The following NCKAP5 variants were observed in gnomAD, a reference collection of about 807,000 sequenced individuals.
NCKAP5 encodes the protein NCK associated protein 5.
In NCKAP5, 92 loss-of-function variants were observed where a neutral mutation model predicts 167.0. The observed-to-expected ratio is 0.55, with a 90% CI of 0.47 to 0.66. NCKAP5 has a LOEUF of 0.66. Among genes scored for constraint, NCKAP5 ranks in the 30% least tolerant of loss-of-function variants. The pLI, the probability that NCKAP5 is intolerant of heterozygous loss-of-function variation, is 0.00. For synonymous variants in NCKAP5, 891 were observed against 877.4 expected (o/e 1.02, Z -0.27); for missense variants, 2,378 against 2,315.0 (o/e 1.03, Z -0.56).
At chr2:133,369,517 T>G (rs1265024971) in intron 3 of NCKAP5, among the ~76,000 whole-genome samples, 1 of 152,234 alleles carries the variant, frequency 6.6e-6, no homozygotes, top group African/African-American at 2.4e-5. Flanking sequence ...CATGTAGGTT[T>G]GAGCACTAAG....
intron 7 of NCKAP5, among the ~76,000 whole-genome samples, chr2:132,978,403 A>T (rs185515488): frequency 5.6e-4 from 86 of 152,310 alleles, no homozygotes; most frequent in African/African-American, 2.0e-3. Flanking sequence ...ACTGAGCTGG[A>T]TGCTGGTTCC....
intron 11 of NCKAP5, among the ~76,000 whole-genome samples, chr2:132,857,164 C>A (rs1689535403): frequency 6.9e-6 from 1 of 144,358 alleles, no homozygotes; most frequent in African/African-American, 2.6e-5. Context: ...TTGGAATCTT[C>A]CATTATCTTT....
At chr2:133,158,646 T>C (rs752563249) in intron 5 of NCKAP5, among the ~76,000 whole-genome samples, 49 of 152,174 alleles carry the variant, frequency 3.2e-4, no homozygotes, top group Non-Finnish European at 5.3e-4. Context: ...ATTACCTCAT[T>C]TATATGTTAT....
At chr2:133,334,168 G>A (rs1356255361) in intron 3 of NCKAP5, among the ~76,000 whole-genome samples, 1 of 152,164 alleles carries the variant, frequency 6.6e-6, no homozygotes, top group Non-Finnish European at 1.5e-5. Context: ...CTTAATGGTC[G>A]TTTGACCTAG....
chr2:133,092,474 T>C (rs2149642638), intron 6 of NCKAP5, among the ~76,000 whole-genome samples: 1 of 152,248 alleles, frequency 6.6e-6, no homozygotes, highest in African/African-American at 2.4e-5. Flanking sequence ...TCCAAAACCA[T>C]GCATAAATAT....
chr2:132,675,140 A>T (rs1297914530), intron 19 of NCKAP5, among the ~76,000 whole-genome samples: 1 of 152,176 alleles, frequency 6.6e-6, no homozygotes, highest in East Asian at 1.9e-4. Context: ...CATTCAACAC[A>T]CACTCATTAG....
Position 132,785,218 on chromosome 2 carries a change from C to T in NCKAP5, c.1593G>A (p.Lys531=). ...FLEGTSSVYP[K]ERPEKLTSCA... ...AACTTGTCAGCTTTTCAGGCCTTTC[C>T]TTGGGATAAACTGAGGATGTGCCTT... is the stretch of plus-strand genomic sequence containing the variant. The change falls in exon 14 of 20, where the codon AAG becomes AAA. Residue 531 remains lysine (K), a synonymous_variant. Transcript: ENST00000409261. The T allele has an allele frequency of 6.4e-7, 1 of 1,572,232 alleles. No homozygotes were observed.
chr2:133,335,435 A>T (rs1035689479), intron 3 of NCKAP5, among the ~76,000 whole-genome samples: 4 of 152,184 alleles, frequency 2.6e-5, no homozygotes, highest in Non-Finnish European at 5.9e-5. Flanking sequence ...GATAATTGCA[A>T]GCGAAAATTT....
intron 3 of NCKAP5, among the ~76,000 whole-genome samples, chr2:133,459,788 CG>C (rs747878527): frequency 1.8e-4 from 28 of 152,114 alleles, no homozygotes; most frequent in Admixed American, 2.6e-4. Flanking sequence ...ATTACAAACA[CG>C]TAATGAGTCT....
chr2:133,170,933 G>C (rs1334996029), intron 5 of NCKAP5, among the ~76,000 whole-genome samples: 1 of 151,870 alleles, frequency 6.6e-6, no homozygotes, highest in Non-Finnish European at 1.5e-5. Flanking sequence ...GGTTTACTCA[G>C]GTGACAAGCT....
At position 133,090,976 on chromosome 2, in the gene NCKAP5, T is replaced by C. The variant is rs201760846; in HGVS notation, c.341+39002A>G. Among the ~76,000 whole-genome samples, 100 of 152,052 alleles carry C rather than the reference T, an allele frequency of 6.6e-4. 1 individual carries two copies. The East Asian group carries it at 0.011, about 17-fold the overall frequency. On this transcript the variant is annotated intron_variant, in intron 6 of 19. Coordinates refer to ENST00000409261, the MANE Select transcript of NCKAP5 (RefSeq NM_207363.3). ...GGCTTGGTGGGAGGTGACTGGATCATGGAGGTAGATATCCCCCTTGCTGTT... is the reference window on the plus strand; with the variant it reads ...GGCTTGGTGGGAGGTGACTGGATCACGGAGGTAGATATCCCCCTTGCTGTT...
intron 6 of NCKAP5, among the ~76,000 whole-genome samples, chr2:133,084,054 A>G (rs768914193): frequency 1.3e-5 from 2 of 152,178 alleles, no homozygotes; most frequent in Non-Finnish European, 2.9e-5. Context: ...TTCTGAGCAC[A>G]GAAAACGGGG....
chr2:133,616,461 A>G, the NCKAP5 span, among the ~76,000 whole-genome samples: 1 of 151,426 alleles, frequency 6.6e-6, no homozygotes, highest in African/African-American at 2.4e-5. Context: ...AAAAAATGAT[A>G]AAGGGGATAT....
At chr2:133,540,120 G>A (rs1686104872) in intron 2 of NCKAP5, among the ~76,000 whole-genome samples, 1 of 152,252 alleles carries the variant, frequency 6.6e-6, no homozygotes, top group Middle Eastern at 3.4e-3. Context: ...GGCAGAGCTT[G>A]CAGTGAGCCG....
intron 2 of NCKAP5, among the ~76,000 whole-genome samples, chr2:133,552,752 A>G (rs971937536): frequency 1.5e-5 from 2 of 137,572 alleles, no homozygotes; most frequent in South Asian, 2.4e-4. Context: ...TAATAAAAAA[A>G]AAAGAAAAAG....
chr2:133,521,924 C>T (rs1250356508), intron 2 of NCKAP5, among the ~76,000 whole-genome samples: 1 of 152,152 alleles, frequency 6.6e-6, no homozygotes, highest in East Asian at 1.9e-4. Context: ...AGTAGTGGGG[C>T]TTATGGTGGC....
At chr2:132,802,088 T>C (rs1275719702) in intron 11 of NCKAP5, among the ~76,000 whole-genome samples, 1 of 152,168 alleles carries the variant, frequency 6.6e-6, no homozygotes, top group Admixed American at 6.5e-5. Context: ...CCTCCAACTA[T>C]TAAAAGCCAA....
chr2:132,833,237 A>G (rs909421900), intron 11 of NCKAP5, among the ~76,000 whole-genome samples: 1 of 151,986 alleles, frequency 6.6e-6, no homozygotes. Flanking sequence ...TTGTTGCTGA[A>G]TTGTTTGAGT....
chr2:133,322,252 A>T (rs1682108578), intron 3 of NCKAP5, among the ~76,000 whole-genome samples: 1 of 152,112 alleles, frequency 6.6e-6, no homozygotes. Context: ...TGCTAAAAAC[A>T]TCACCGTTAG....
Sources: allele counts gnomAD v4.1 joint callset (sites outside exome capture counted in the v4.1 genomes callset), GRCh38; gene constraint gnomAD v4.1.1; transcripts MANE v1.5; gene names NCBI Gene and HGNC (gene_info 2026-07-23, HGNC 2026-07-21).